The following CADPS variants were observed in gnomAD, a reference collection of about 807,000 sequenced individuals.
CADPS encodes the protein calcium dependent secretion activator, also known as calcium-dependent secretion activator 1.
A neutral mutation model predicts 167.3 loss-of-function variants in CADPS; 57 were observed. That is an observed-to-expected ratio of 0.34 (90% CI 0.28 to 0.42). CADPS has a LOEUF of 0.42. Among genes scored for constraint, CADPS ranks in the 20% least tolerant of loss-of-function variants. The pLI is 1.00. For missense variants in CADPS, 1,414 were observed against 1,738.1 expected (o/e 0.81, Z 3.32); for synonymous variants, 676 against 635.3 (o/e 1.06, Z -0.96).
chr3:62,816,390 A>G (rs1307691382), intron 1 of CADPS, among the ~76,000 whole-genome samples: 2 of 152,090 alleles, frequency 1.3e-5, no homozygotes, highest in Non-Finnish European at 1.5e-5. Flanking sequence ...TGGGTATGTT[A>G]TTATTCTCCC....
rs566153981 is a variant in CADPS, at chr3:62,400,499, C to A, written c.3883-914G>T. 4.6e-5 allele frequency among the ~76,000 whole-genome samples: 7 copies of A among 151,818 alleles called. No homozygotes were observed. The South Asian group carries it at 8.3e-4, about 18-fold the overall frequency. ...CATATCATTTCAGCTACTGATTCTG[C>A]TGTTTGTTTCTCCTATTGATATAGG... On this transcript the variant is annotated intron_variant, in intron 29 of 29. Coordinates refer to ENST00000383710, the MANE Select transcript of CADPS (RefSeq NM_003716.4).
rs1433365133 is a variant in CADPS, at chr3:62,411,079, G to T, written c.3778-7894C>A. ...GATTGTGCCACTGTACTCCAGCCTG[G>T]GGAACAGAGCAAACCCCTGTCTCTG... is the stretch of plus-strand genomic sequence containing the variant. On this transcript the variant is annotated intron_variant, in intron 28 of 29. Transcript: ENST00000383710. Among the ~76,000 whole-genome samples the T allele has an allele frequency of 2.6e-5, 4 of 152,030 alleles. No individual in the cohort carries two copies. The East Asian group carries it at 7.7e-4, about 29-fold the overall frequency.
At chr3:62,565,656 A>C (rs1282850769) in intron 9 of CADPS, among the ~76,000 whole-genome samples, 1 of 152,148 alleles carries the variant, frequency 6.6e-6, no homozygotes, top group East Asian at 1.9e-4. Context: ...TCTGTCACAG[A>C]AGCTCCTCGC....
chr3:62,772,954 C>T (rs564223213), intron 1 of CADPS, among the ~76,000 whole-genome samples: 37 of 152,070 alleles, frequency 2.4e-4, no homozygotes, highest in Non-Finnish European at 4.6e-4. Context: ...TTGTATATTG[C>T]AATTTTTAAT....
At chr3:62,628,596 A>T (rs78224920) in intron 6 of CADPS, among the ~76,000 whole-genome samples, 11 of 138,232 alleles carry the variant, frequency 8.0e-5, no homozygotes, top group East Asian at 6.4e-4. Context: ...ACACACACAC[A>T]CTCTCTCTCT....
intron 11 of CADPS, 32 bp downstream of exon 11, chr3:62,549,871 A>G (rs2077052605): frequency 6.5e-7 from 1 of 1,538,524 alleles, no homozygotes; most frequent in Non-Finnish European, 9.0e-7. Flanking sequence ...TACTCTACAG[A>G]GCTATTTTTG....
Position 62,478,253 on chromosome 3 carries a change from A to G in CADPS, c.3329+8T>C. 1 of 1,613,526 alleles carries G rather than the reference A, an allele frequency of 6.2e-7. No homozygotes were observed. Among genetic ancestry groups the G allele is most frequent in the South Asian group, 1.1e-5 (1 of 91,050 alleles). ...GTGTGCAGAACCTGTCCAGCCACCT[A>G]TACTTACCTTTTGACACAAGATTCG... On this transcript the variant is annotated splice_region_variant and intron_variant, in intron 23 of 29. Coordinates refer to ENST00000383710, the MANE Select transcript of CADPS (RefSeq NM_003716.4). The surrounding 1 kb of genome is among the most constrained non-coding windows in gnomAD (Gnocchi z 5.7).
chr3:62,604,093 G>A (rs1402257572), intron 6 of CADPS, among the ~76,000 whole-genome samples: 2 of 152,010 alleles, frequency 1.3e-5, no homozygotes, highest in East Asian at 3.9e-4. Context: ...GCCTCCCAAA[G>A]TGCTGGGATT....
At chr3:62,664,276 G>C (rs971685680) in intron 3 of CADPS, among the ~76,000 whole-genome samples, 2 of 152,230 alleles carry the variant, frequency 1.3e-5, no homozygotes, top group African/African-American at 2.4e-5. Flanking sequence ...AAAGTACTAG[G>C]ATTACAGGCG....
rs1216683633 is a variant in CADPS at position 62,442,118 on chromosome 3, AT to A, written c.3669+3646del. Among the ~76,000 whole-genome samples, 956 of 143,332 alleles carry A rather than the reference AT, an allele frequency of 6.7e-3. 3 individuals carry two copies. Among genetic ancestry groups the A allele is most frequent in the Non-Finnish European group, 9.5e-3 (621 of 65,124 alleles). The allele number at this position is 143,332 out of a possible 152,430, so 94.0% of individuals were successfully genotyped here. Reference sequence around the variant, plus strand: ...AATAAAAAACAAAAACAAACCAGAAATTTTTTTTTTTTTTGCCAAGTATTGC... The same window carrying A: ...AATAAAAAACAAAAACAAACCAGAAATTTTTTTTTTTTTGCCAAGTATTGC... On this transcript the variant is annotated intron_variant, in intron 27 of 29. Coordinates refer to ENST00000383710, the MANE Select transcript of CADPS (RefSeq NM_003716.4).
intron 11 of CADPS, among the ~76,000 whole-genome samples, chr3:62,538,780 G>A (rs1188313070): frequency 6.6e-6 from 1 of 151,256 alleles, no homozygotes; most frequent in African/African-American, 2.5e-5. Flanking sequence ...CTTTCTCTTT[G>A]TTTGTTTGTT....
intron 19 of CADPS, 48 bp from the exon 20 acceptor site, chr3:62,492,494 T>C: frequency 6.4e-7 from 1 of 1,573,038 alleles, no homozygotes; most frequent in Non-Finnish European, 8.7e-7. Context: ...GATGAGCTTC[T>C]TTCTCGGACA....
rs544127530 is a variant in CADPS, at chr3:62,787,123, G to C, written c.442-21139C>G. Among the ~76,000 whole-genome samples, 542 of 151,964 alleles carry C rather than the reference G, an allele frequency of 3.6e-3. 2 individuals carry two copies. The highest frequency in any genetic ancestry group is 6.8e-3 in the Middle Eastern group (2 of 294). ...AGTCTGAGCAATATGGCGAAAACCT[G>C]TCTCTACCAAAAATATAAAAAATTA... On this transcript the variant is annotated intron_variant, in intron 1 of 29. Coordinates refer to ENST00000383710, the MANE Select transcript of CADPS (RefSeq NM_003716.4).
chr3:62,479,843 A>G (rs1350981806), intron 22 of CADPS, among the ~76,000 whole-genome samples: 2 of 152,146 alleles, frequency 1.3e-5, no homozygotes, highest in Non-Finnish European at 2.9e-5. Context: ...AAAGTGGGGG[A>G]ATGCGTTGTT....
At position 62,662,321 on chromosome 3, in the gene CADPS, A is replaced by G; in HGVS notation, c.962T>C (p.Ile321Thr). 3.1e-6 allele frequency: 5 copies of G among 1,613,580 alleles called. No homozygotes were observed. Among genetic ancestry groups the G allele is most frequent in the Non-Finnish European group, 4.2e-6 (5 of 1,179,622 alleles). The change falls in exon 4 of 30, where the codon ATA becomes ACA. Residue 321 changes from isoleucine (I) to threonine (T), a missense_variant. Transcript: ENST00000383710. ...ACCACAATGTTTCCTTACCCTGGCT[A>G]TTTGGTCTGCCATTTGTAGACGTCC... Reference protein sequence around the residue: ...LDGRLQMADQIARERKFPKFV... With the variant: ...LDGRLQMADQTARERKFPKFV...
chr3:62,580,618 GA>G (rs112178791), intron 8 of CADPS, among the ~76,000 whole-genome samples: 1 of 150,316 alleles, frequency 6.7e-6, no homozygotes, highest in African/African-American at 2.5e-5. Flanking sequence ...AAAGAGGCAA[GA>G]AAAAAACCAC....
intron 6 of CADPS, among the ~76,000 whole-genome samples, chr3:62,618,060 G>C (rs2062609806): frequency 6.6e-6 from 1 of 152,056 alleles, no homozygotes; most frequent in Non-Finnish European, 1.5e-5. Flanking sequence ...TTCATGGGTG[G>C]ATATCTGACT....
chr3:62,493,148 C>CA (rs900583279), intron 19 of CADPS, among the ~76,000 whole-genome samples: 1 of 152,002 alleles, frequency 6.6e-6, no homozygotes, highest in Non-Finnish European at 1.5e-5. Flanking sequence ...CATTGAAAAC[C>CA]AAAAAATATC....
chr3:62,841,326 C>A (rs1360100718), intron 1 of CADPS, among the ~76,000 whole-genome samples: 1 of 152,198 alleles, frequency 6.6e-6, no homozygotes, highest in East Asian at 1.9e-4. Flanking sequence ...GACATGTGCA[C>A]ATTCACACAG....
Sources: gnomAD v4.1 joint callset for allele counts (sites outside exome capture counted in the v4.1 genomes callset) on GRCh38, gnomAD v4.1.1 for gene constraint, Gnocchi (gnomAD v3.1) non-coding constraint, MANE v1.5 for transcripts, NCBI Gene and HGNC (gene_info 2026-07-23, HGNC 2026-07-21) for gene names.